Variants in FGFR2 observed in about 807,000 individuals in gnomAD.
FGFR2 encodes the protein BEK fibroblast growth factor receptor.
A neutral mutation model predicts 95.9 loss-of-function variants in FGFR2; 19 were observed. The ratio of observed to expected loss-of-function variants is 0.20; its 90% CI spans 0.14 to 0.29. The LOEUF is 0.29. Ranked by LOEUF, FGFR2 falls within the 10% of genes least tolerant of loss-of-function variation. The pLI, the probability that FGFR2 is intolerant of heterozygous loss-of-function variation, is 1.00. For missense variants in FGFR2, 707 were observed against 1,056.9 expected (o/e 0.67, Z 4.59); for synonymous variants, 392 against 393.3 (o/e 1.00, Z 0.04).
chr10:121,564,835 A>C (rs1857445055), intron 3 of FGFR2, among the ~76,000 whole-genome samples: 1 of 152,170 alleles, frequency 6.6e-6, no homozygotes, highest in Non-Finnish European at 1.5e-5. Context: ...ATATATGAGA[A>C]CTGGATTTCA....
At chr10:121,543,127 A>C (rs182573909) in intron 5 of FGFR2, among the ~76,000 whole-genome samples, 1 of 152,300 alleles carries the variant, frequency 6.6e-6, no homozygotes, top group East Asian at 1.9e-4. Context: ...TTTTCCCAGG[A>C]AGACAGCAAT....
At position 121,565,651 on chromosome 10, in the gene FGFR2, C is replaced by T. The variant is rs971937812; in HGVS notation, c.163G>A (p.Gly55Arg). 6.2e-7 allele frequency: 1 copy of T among 1,614,100 alleles called. No homozygotes were observed. Among genetic ancestry groups the T allele is most frequent in the African/African-American group, 1.3e-5 (1 of 74,938 alleles). Residue 55 changes from glycine (G) to arginine (R), a missense_variant, in exon 3 of 18, where the codon GGG becomes AGG. Around this residue, in one of 7 missense-constraint regions of FGFR2, gnomAD observed 178 missense variants for 194.1 expected, o/e 0.92. Transcript: ENST00000358487. ...SQPEVYVAAP[G>R]ESLEVRCLLK... ...AGGCAGCGCACCTCTAGCGACTCCCCTGGCGCAGCCACGTACACTTCTGGT... is the reference window on the plus strand; with the variant it reads ...AGGCAGCGCACCTCTAGCGACTCCCTTGGCGCAGCCACGTACACTTCTGGT...
chr10:121,500,106 C>T (rs1226405873), intron 11 of FGFR2, among the ~76,000 whole-genome samples: 1 of 152,208 alleles, frequency 6.6e-6, no homozygotes, highest in Non-Finnish European at 1.5e-5. Context: ...TATAATGTGA[C>T]AGTTCCCTAT....
intron 1 of FGFR2, among the ~76,000 whole-genome samples, chr10:121,597,205 C>T (rs1863555471): frequency 6.6e-6 from 1 of 152,218 alleles, no homozygotes; most frequent in Admixed American, 6.5e-5. Flanking sequence ...GGAGCCAGCG[C>T]CACGCAGGGC....
intron 5 of FGFR2, among the ~76,000 whole-genome samples, chr10:121,542,988 T>C (rs1483841349): frequency 1.3e-5 from 2 of 152,172 alleles, no homozygotes; most frequent in African/African-American, 4.8e-5. Flanking sequence ...TACTCAGGTG[T>C]TCGATAACAA....
Position 121,565,418 on chromosome 10 carries a change from G to A in FGFR2, c.376+20C>T, listed in dbSNP as rs750006099. The A allele has an allele frequency of 6.2e-7, 1 of 1,613,810 alleles. No homozygotes were observed. Among genetic ancestry groups the A allele is most frequent in the Non-Finnish European group, 8.5e-7 (1 of 1,180,034 alleles). On this transcript the variant is annotated intron_variant, in intron 3 of 17. Transcript: ENST00000358487. ...ATGGCTACAGAGAAGAGAGAGCATA[G>A]TGCTGGCGGGCCAACTCACCTGTGA...
At chr10:121,499,634 T>A (rs974986943) in intron 11 of FGFR2, among the ~76,000 whole-genome samples, 1 of 152,328 alleles carries the variant, frequency 6.6e-6, no homozygotes, top group South Asian at 2.1e-4. Flanking sequence ...CAATATCCCA[T>A]GTAACTCTGA....
At chr10:121,506,947 C>T (rs12249611) in intron 9 of FGFR2, among the ~76,000 whole-genome samples, 7,211 of 152,216 alleles carry the variant, frequency 0.047, 598 homozygotes, top group African/African-American at 0.16. Flanking sequence ...GCATGAACAA[C>T]GGAAAAGAAA....
chr10:121,497,241 C>T (rs1846988264), intron 12 of FGFR2, among the ~76,000 whole-genome samples: 1 of 151,996 alleles, frequency 6.6e-6, no homozygotes, highest in Non-Finnish European at 1.5e-5. Flanking sequence ...AGCCCTTGGT[C>T]ATGATAGCCT....
At chr10:121,553,183 A>AT in intron 4 of FGFR2, among the ~76,000 whole-genome samples, 1 of 152,278 alleles carries the variant, frequency 6.6e-6, no homozygotes, top group African/African-American at 2.4e-5. Flanking sequence ...AAGTGATGGG[A>AT]TTTAGGTGCA....
chr10:121,533,420 T>C (rs886608957), intron 6 of FGFR2, among the ~76,000 whole-genome samples: 3 of 152,142 alleles, frequency 2.0e-5, no homozygotes, highest in African/African-American at 4.8e-5. Context: ...AGAAGACATA[T>C]CTGGCCTTGA....
At chr10:121,486,605 C>A (rs1845438759) in intron 15 of FGFR2, among the ~76,000 whole-genome samples, 3 of 152,160 alleles carry the variant, frequency 2.0e-5, no homozygotes, top group African/African-American at 7.2e-5. Context: ...CTACGCCCAG[C>A]TAATTTTTGT....
Position 121,500,265 on chromosome 10 carries a change from G to T in FGFR2, c.1561+561C>A, listed in dbSNP as rs537761087. 2.2e-4 allele frequency among the ~76,000 whole-genome samples: 33 copies of T among 152,314 alleles called. No homozygotes were observed. In the South Asian group the frequency reaches 6.8e-3, roughly 32 times the overall value. On this transcript the variant is annotated intron_variant, in intron 11 of 17. Coordinates refer to ENST00000358487, the MANE Select transcript of FGFR2 (RefSeq NM_000141.5). ...AACACAACACGACATTTACATCTCA[G>T]GGTAATTGTTTATGTGTCCCAGGAG...
chr10:121,555,507 A>C (rs1856015937), intron 4 of FGFR2, among the ~76,000 whole-genome samples: 1 of 152,202 alleles, frequency 6.6e-6, no homozygotes, highest in Admixed American at 6.5e-5. Flanking sequence ...GTGTGGTATA[A>C]ACTTCCAATG....
chr10:121,598,194 G>A lies in FGFR2; in HGVS notation c.-383C>T. The A allele has an allele frequency of 2.5e-6, 1 of 397,990 alleles. No homozygotes were observed. The highest frequency in any genetic ancestry group is 3.6e-5 in the East Asian group (1 of 28,024). The allele number at this position is 397,990 out of a possible 1,614,324, so 24.7% of individuals were successfully genotyped here. ...GGATTTGGGGAACGAGAGGAAGAAA[G>A]GACTCAGGCTTGGCGTTGCCTCCAC... On this transcript the variant is annotated 5_prime_UTR_variant, in exon 1 of 18. Transcript: ENST00000358487.
At chr10:121,568,382 T>G (rs924514257) in intron 2 of FGFR2, among the ~76,000 whole-genome samples, 1 of 152,212 alleles carries the variant, frequency 6.6e-6, no homozygotes, top group Admixed American at 6.5e-5. Context: ...CATAAAATGA[T>G]CAATGTCTAT....
chr10:121,524,141 CA>C lies in FGFR2; in HGVS notation c.749-3973del, dbSNP rs1458162713. On this transcript the variant is annotated intron_variant, in intron 6 of 17. Transcript: ENST00000358487. ...ACACACACACACACACACACACACA[CA>C]CACACCCCAAGTTTGCAATGGTTTA... Among the ~76,000 whole-genome samples, 859 of 144,622 alleles carry C rather than the reference CA, an allele frequency of 5.9e-3. 7 individuals are homozygous for C. The highest frequency in any genetic ancestry group is 0.018 in the Middle Eastern group (5 of 274). The allele number at this position is 144,622 out of a possible 152,430, so 94.9% of individuals were successfully genotyped here.
chr10:121,500,437 T>C (rs1262251040), intron 11 of FGFR2, among the ~76,000 whole-genome samples: 1 of 152,196 alleles, frequency 6.6e-6, no homozygotes, highest in African/African-American at 2.4e-5. Flanking sequence ...AACACAAATT[T>C]TCTTGTACTT....
intron 7 of FGFR2, among the ~76,000 whole-genome samples, chr10:121,519,063 T>C (rs1436288639): frequency 6.6e-6 from 1 of 152,152 alleles, no homozygotes; most frequent in African/African-American, 2.4e-5. Flanking sequence ...GTCGGGTGGG[T>C]CCCCAGGTTG....
Sources: allele counts gnomAD v4.1 joint callset (sites outside exome capture counted in the v4.1 genomes callset), GRCh38; gene constraint gnomAD v4.1.1; regional missense constraint gnomAD v4.1.1; transcripts MANE v1.5; gene names NCBI Gene and HGNC (gene_info 2026-07-23, HGNC 2026-07-21).